PGAP4: variants seen among roughly 807,000 people sequenced by gnomAD.
PGAP4 encodes GPI-N-acetylgalactosamine transferase PGAP4.
Under a neutral mutation model 28.2 loss-of-function variants are expected in PGAP4, and 12 were observed. The observed-to-expected ratio is 0.42, with a 90% CI of 0.27 to 0.69. The LOEUF (loss-of-function observed/expected upper bound fraction) is 0.69. Among genes scored for constraint, PGAP4 ranks in the 30% least tolerant of loss-of-function variants. PGAP4 has a pLI of 0.22. For synonymous variants in PGAP4, 205 were observed against 211.8 expected (o/e 0.97, Z 0.28); for missense variants, 425 against 513.5 (o/e 0.83, Z 1.67).
At chr9:101,510,491 AG>A (rs1826887713) in intron 2 of PGAP4, among the ~76,000 whole-genome samples, 1 of 152,078 alleles carries the variant, frequency 6.6e-6, no homozygotes, top group African/African-American at 2.4e-5. Context: ...TTGGATAGCC[AG>A]TTGCCATATG....
At chr9:101,522,895 T>G (rs925227852) in intron 2 of PGAP4, among the ~76,000 whole-genome samples, 32 of 152,234 alleles carry the variant, frequency 2.1e-4, no homozygotes, top group African/African-American at 7.5e-4. Context: ...GAGCTCCTTT[T>G]AGCAGTTCTT....
At chr9:101,503,368 G>A (rs973729962) in intron 2 of PGAP4, among the ~76,000 whole-genome samples, 12 of 151,786 alleles carry the variant, frequency 7.9e-5, no homozygotes, top group African/African-American at 2.9e-4. Context: ...TCAAGTTACT[G>A]TTACTTTGTC....
At position 101,513,192 on chromosome 9, in the gene PGAP4, C is replaced by T. The variant is rs73501301; in HGVS notation, c.-165+18156G>A. Among the ~76,000 whole-genome samples the T allele has an allele frequency of 7.0e-3, 1,067 of 152,266 alleles. 11 individuals are homozygous for T. The highest frequency in any genetic ancestry group is 0.025 in the African/African-American group (1,029 of 41,552). The stretch of plus-strand genomic sequence containing the variant: ...GAGCAGTGGCTAATATCTTGCCTGA[C>T]CACCTTTGATTTTCTTCATTGTCCG... On this transcript the variant is annotated intron_variant, in intron 2 of 3. Transcript: ENST00000374851.
intron 1 of PGAP4, among the ~76,000 whole-genome samples, chr9:101,485,953 A>G (rs1826604500): frequency 6.6e-6 from 1 of 152,144 alleles, no homozygotes; most frequent in Non-Finnish European, 1.5e-5. Context: ...AGAAGGAGAA[A>G]CACACACATG....
At chr9:101,501,639 T>C (rs781754458) in intron 2 of PGAP4, 36 of 496,276 alleles carry the variant, frequency 7.3e-5, no homozygotes, top group African/African-American at 3.9e-5. Flanking sequence ...GTGAAACATT[T>C]CATTTAGAAA....
intron 2 of PGAP4, among the ~76,000 whole-genome samples, chr9:101,509,619 C>G (rs1826877927): frequency 6.6e-6 from 1 of 152,196 alleles, no homozygotes; most frequent in Non-Finnish European, 1.5e-5. Context: ...GCTGCACAAA[C>G]AGACATCAGT....
chr9:101,477,555 C>T (rs2118502900), intron 1 of PGAP4, among the ~76,000 whole-genome samples: 1 of 152,034 alleles, frequency 6.6e-6, no homozygotes, highest in South Asian at 2.1e-4. Context: ...CAAGGCTTGG[C>T]ACAAAGGAAA....
rs1345715281 is a variant in PGAP4 at position 101,476,547 on chromosome 9, G to A, written c.546C>T (p.Asn182=). 6.2e-7 allele frequency: 1 copy of A among 1,614,206 alleles called. No homozygotes were observed. Among genetic ancestry groups the A allele is most frequent in the South Asian group, 1.1e-5 (1 of 91,086 alleles). ...EDDYGDDPST[N]SFEKEKQDYV... ...AGTCCTGCTTCTCTTTCTCAAACGA[G>A]TTGGTCGAAGGGTCATCACCATAAT... Residue 182 remains asparagine (N), a synonymous_variant, in exon 2 of 2, where the codon AAC becomes AAT. Transcript: ENST00000374848. This position sits in a 1 kb window ranked among gnomAD's most constrained non-coding sequence, Gnocchi z 7.0.
At chr9:101,505,909 C>A (rs1418710010) in intron 2 of PGAP4, among the ~76,000 whole-genome samples, 2 of 152,172 alleles carry the variant, frequency 1.3e-5, no homozygotes, top group South Asian at 4.2e-4. Context: ...TTTGAAAGGA[C>A]CTTAGAATAA....
chr9:101,508,274 C>T (rs1181726634), intron 2 of PGAP4, among the ~76,000 whole-genome samples: 2 of 152,056 alleles, frequency 1.3e-5, no homozygotes, highest in African/African-American at 4.8e-5. Flanking sequence ...GAGCTTTGTG[C>T]ACTTGCCCGT....
chr9:101,519,347 C>T (rs759679342), intron 2 of PGAP4, among the ~76,000 whole-genome samples: 12 of 152,084 alleles, frequency 7.9e-5, no homozygotes, highest in East Asian at 1.9e-4. Context: ...TTAGTCGAGA[C>T]GGGGTTTCAC....
chr9:101,508,635 T>C (rs1826869757), intron 2 of PGAP4, among the ~76,000 whole-genome samples: 1 of 152,182 alleles, frequency 6.6e-6, no homozygotes. Flanking sequence ...ACTGGCTTCG[T>C]AGAAGACAGT....
Position 101,486,505 on chromosome 9 carries a change from G to A in PGAP4, c.-78+444C>T, listed in dbSNP as rs1826618178. On this transcript the variant is annotated intron_variant, in intron 1 of 1. Transcript: ENST00000374848. The surrounding 1 kb of genome is among the most constrained non-coding windows in gnomAD (Gnocchi z 4.7). ...GCGCCGCGAGGGTCCCCTGCTTGCG[G>A]GCGGCCATTAGGCGCCAGGCCCCTT... Among the ~76,000 whole-genome samples the A allele has an allele frequency of 1.3e-5, 2 of 152,126 alleles. No homozygotes were observed. Among genetic ancestry groups the A allele is most frequent in the African/African-American group, 4.8e-5 (2 of 41,434 alleles).
intron 2 of PGAP4, among the ~76,000 whole-genome samples, chr9:101,518,381 C>G (rs371124554): frequency 5.9e-5 from 9 of 152,188 alleles, no homozygotes; most frequent in African/African-American, 1.9e-4. Context: ...TCCCATCACC[C>G]GAGCAGTATA....
intron 2 of PGAP4, among the ~76,000 whole-genome samples, chr9:101,527,686 T>C (rs919247833): frequency 1.3e-5 from 2 of 152,224 alleles, no homozygotes; most frequent in East Asian, 1.9e-4. Flanking sequence ...TGTATAAATA[T>C]AAACTTGGTA....
rs118044926 is a variant in PGAP4 at position 101,476,976 on chromosome 9, G to A, written c.117C>T (p.Ala39=). ...ILTVVTFGLL[A]PLACHRLLHS... is the part of the protein sequence containing the mutation. Reference sequence around the variant, plus strand: ...GTAGAAGTCGGTGACAGGCCAGGGGGGCCAGCAGGCCAAACGTCACCACTG... The same window carrying A: ...GTAGAAGTCGGTGACAGGCCAGGGGAGCCAGCAGGCCAAACGTCACCACTG... The change falls in exon 2 of 2, where the codon GCC becomes GCT. Residue 39 remains alanine, a synonymous_variant. Coordinates refer to ENST00000374848, the MANE Select transcript of PGAP4 (RefSeq NM_032342.3). This position sits in a 1 kb window ranked among gnomAD's most constrained non-coding sequence, Gnocchi z 7.0. The A allele has an allele frequency of 1.1e-4, 180 of 1,597,888 alleles. 1 individual carries two copies. Among genetic ancestry groups the A allele is most frequent in the Non-Finnish European group, 1.4e-4 (164 of 1,172,942 alleles).
Position 101,523,619 on chromosome 9 carries a change from C to CATTTTTTTTT in PGAP4, c.-165+7728_-165+7729insAAAAAAAAAT, listed in dbSNP as rs1245170432. 2.3e-3 allele frequency among the ~76,000 whole-genome samples: 138 copies of CATTTTTTTTT among 59,336 alleles called. 10 individuals are homozygous for CATTTTTTTTT. The highest frequency in any genetic ancestry group is 0.017 in the Middle Eastern group (1 of 60). The allele number at this position is 59,336 out of a possible 152,430, so 38.9% of individuals were successfully genotyped here. On this transcript the variant is annotated intron_variant, in intron 2 of 3. Transcript: ENST00000374851. ...ACATTTCTCCCCTCACTTCTTGTAT[C>CATTTTTTTTT]TTTTTTTTTTTTTTTTTTTTTTTTT...
intron 2 of PGAP4, among the ~76,000 whole-genome samples, chr9:101,504,695 C>A (rs568256105): frequency 5.5e-4 from 83 of 152,186 alleles, no homozygotes; most frequent in African/African-American, 1.9e-3. Context: ...TTAAAGGTAA[C>A]TGAGAGCAAT....
intron 2 of PGAP4, among the ~76,000 whole-genome samples, chr9:101,510,234 T>A (rs1308010088): frequency 2.6e-5 from 4 of 152,170 alleles, no homozygotes; most frequent in Admixed American, 6.5e-5. Flanking sequence ...ATGATATATG[T>A]CCTTAGCAAC....
Sources: allele counts gnomAD v4.1 joint callset (sites outside exome capture counted in the v4.1 genomes callset), GRCh38; gene constraint gnomAD v4.1.1; non-coding constraint Gnocchi (gnomAD v3.1); transcripts MANE v1.5; gene names NCBI Gene and HGNC (gene_info 2026-07-23, HGNC 2026-07-21).